TMEM200A: variants seen among roughly 807,000 people sequenced by gnomAD.
The protein encoded by TMEM200A is two transmembrane C.
A neutral mutation model predicts 24.3 loss-of-function variants in TMEM200A; 12 were observed. The ratio of observed to expected loss-of-function variants is 0.49; its 90% CI spans 0.32 to 0.80. The LOEUF is 0.80. Ranked by LOEUF, TMEM200A falls within the 30% of genes least tolerant of loss-of-function variation. The pLI is 0.04. For missense variants in TMEM200A, 545 were observed against 614.4 expected, an observed-to-expected ratio of 0.89 and a Z score of 1.19; for synonymous variants, 224 against 224.4, an observed-to-expected ratio of 1.00 and a Z score of 0.02.
chr6:130,416,293 T>C (rs1275570393), intron 2 of TMEM200A, among the ~76,000 whole-genome samples: 1 of 152,024 alleles, frequency 6.6e-6, no homozygotes, highest in Non-Finnish European at 1.5e-5. Context: ...ATTAAATTTT[T>C]AGTTTTGATT....
chr6:130,424,552 T>C (rs2115189664), intron 2 of TMEM200A, among the ~76,000 whole-genome samples: 1 of 152,312 alleles, frequency 6.6e-6, no homozygotes, highest in Non-Finnish European at 1.5e-5. Context: ...TTAATCATTA[T>C]TAAAAAGTCA....
In TMEM200A at chr6:130,440,982, G is replaced by C; in HGVS notation, c.560G>C (p.Gly187Ala). Residue 187 changes from glycine (G) to alanine (A), a missense_variant, in exon 3 of 3, where the codon GGT becomes GCT. By Grantham distance (60) the Gly-to-Ala change is moderately conservative. Coordinates refer to ENST00000296978, the MANE Select transcript of TMEM200A (RefSeq NM_001258277.2). ...EQRQMNGMYT[G>A]LMGETEVKQN... ...AGGCAAATGAACGGCATGTACACTG[G>C]TTTGATGGGAGAAACAGAAGTAAAA... The C allele has an allele frequency of 6.2e-7, 1 of 1,614,070 alleles. No individual in the cohort carries two copies. The highest frequency in any genetic ancestry group is 8.5e-7 in the Non-Finnish European group (1 of 1,180,000).
intron 2 of TMEM200A, among the ~76,000 whole-genome samples, chr6:130,432,699 T>C (rs981028653): frequency 5.3e-5 from 8 of 152,352 alleles, no homozygotes; most frequent in African/African-American, 1.9e-4. Flanking sequence ...AAGTAAGCAT[T>C]ATATACATAA....
intron 2 of TMEM200A, among the ~76,000 whole-genome samples, chr6:130,416,339 G>C (rs76770219): frequency 0.026 from 3,628 of 139,960 alleles, 147 homozygotes; most frequent in African/African-American, 0.084. Flanking sequence ...CTCTCTCTCT[G>C]TGTGTGTGTG....
chr6:130,436,002 G>A (rs1436436168), intron 2 of TMEM200A, among the ~76,000 whole-genome samples: 1 of 152,208 alleles, frequency 6.6e-6, no homozygotes, highest in East Asian at 1.9e-4. Flanking sequence ...GAAAATGGGA[G>A]TTGATTGGTC....
chr6:130,402,089 T>C (rs772474317), intron 2 of TMEM200A, among the ~76,000 whole-genome samples: 3 of 151,516 alleles, frequency 2.0e-5, no homozygotes, highest in African/African-American at 7.3e-5. Flanking sequence ...AAAAAAACCT[T>C]AAGGCTTTTG....
chr6:130,432,978 T>C (rs962875134), intron 2 of TMEM200A, among the ~76,000 whole-genome samples: 6 of 151,988 alleles, frequency 3.9e-5, no homozygotes, highest in Non-Finnish European at 8.8e-5. Flanking sequence ...CACCATATAC[T>C]GTGTATCAAA....
At chr6:130,416,075 T>C (rs1027176303) in intron 2 of TMEM200A, among the ~76,000 whole-genome samples, 5 of 152,186 alleles carry the variant, frequency 3.3e-5, no homozygotes, top group Admixed American at 2.0e-4. Context: ...GTTTTCTTAA[T>C]AGTATATTGA....
At position 130,366,772 on chromosome 6, in the gene TMEM200A, C is replaced by G. The variant is rs1341210283; in HGVS notation, c.-81+248C>G. 1.3e-5 allele frequency among the ~76,000 whole-genome samples: 2 copies of G among 152,180 alleles called. No homozygotes were observed. The highest frequency in any genetic ancestry group is 4.8e-5 in the African/African-American group (2 of 41,456). Reference sequence around the variant, plus strand: ...CCTCCAAGAACCCGGAGTACTGGAGCGCCTGGCTGGGTTTCTCCAAGCAAC... The same window carrying G: ...CCTCCAAGAACCCGGAGTACTGGAGGGCCTGGCTGGGTTTCTCCAAGCAAC... On this transcript the variant is annotated intron_variant, in intron 1 of 2. Transcript: ENST00000296978. The surrounding 1 kb of genome is among the most constrained non-coding windows in gnomAD (Gnocchi z 4.4).
chr6:130,436,078 G>A (rs1449215432), intron 2 of TMEM200A, among the ~76,000 whole-genome samples: 4 of 152,112 alleles, frequency 2.6e-5, no homozygotes, highest in Non-Finnish European at 4.4e-5. Flanking sequence ...ACAGGAATCA[G>A]AATAAGAAAA....
At chr6:130,391,202 T>C (rs1247861016) in intron 2 of TMEM200A, among the ~76,000 whole-genome samples, 1 of 152,196 alleles carries the variant, frequency 6.6e-6, no homozygotes, top group Non-Finnish European at 1.5e-5. Context: ...GCAATAAATG[T>C]GGAAAGAGAA....
intron 2 of TMEM200A, among the ~76,000 whole-genome samples, chr6:130,392,556 A>G (rs560987422): frequency 6.6e-6 from 1 of 152,082 alleles, no homozygotes; most frequent in East Asian, 1.9e-4. Context: ...CTATCTGTCC[A>G]TTTTCTTGAT....
At chr6:130,392,763 G>C (rs532673158) in intron 2 of TMEM200A, among the ~76,000 whole-genome samples, 1 of 152,242 alleles carries the variant, frequency 6.6e-6, no homozygotes, top group East Asian at 1.9e-4. Flanking sequence ...CCTTCCCTGA[G>C]ATCACTGCTA....
At position 130,440,041 on chromosome 6, in the gene TMEM200A, T is replaced by A. The variant is rs185852413; in HGVS notation, c.-16-366T>A. 8.8e-3 allele frequency among the ~76,000 whole-genome samples: 1,311 copies of A among 149,648 alleles called. 6 individuals are homozygous for A. The highest frequency in any genetic ancestry group is 0.024 in the Middle Eastern group (7 of 292). On this transcript the variant is annotated intron_variant, in intron 2 of 2. Transcript: ENST00000296978. ...GTGTGTGTGTATGTGTGTGTGTGTG[T>A]GAGAGAGAGAGAGAGAAGAGAAAGA...
chr6:130,436,926 A>T (rs1780036149), intron 2 of TMEM200A, among the ~76,000 whole-genome samples: 1 of 152,110 alleles, frequency 6.6e-6, no homozygotes, highest in South Asian at 2.1e-4. Context: ...CTCTGGAGTT[A>T]CAGGTGTGAG....
intron 2 of TMEM200A, among the ~76,000 whole-genome samples, chr6:130,432,445 T>G (rs1345402444): frequency 2.6e-5 from 4 of 152,262 alleles, no homozygotes; most frequent in Admixed American, 2.6e-4. Context: ...TAAATTCAGC[T>G]GTTCTTTTTA....
intron 1 of TMEM200A, among the ~76,000 whole-genome samples, chr6:130,369,245 C>A (rs1778256942): frequency 6.6e-6 from 1 of 152,052 alleles, no homozygotes; most frequent in South Asian, 2.1e-4. Flanking sequence ...TTGTAACAAC[C>A]CTCGGAAGTA....
Position 130,441,106 on chromosome 6 carries a change from G to A in TMEM200A, c.684G>A (p.Glu228=). The A allele has an allele frequency of 1.2e-6, 2 of 1,614,052 alleles. No individual in the cohort carries two copies. The highest frequency in any genetic ancestry group is 2.2e-5 in the East Asian group (1 of 44,802). Reference sequence around the variant, plus strand: ...TTCGAATGGACAGCTCCGTGGAGGAGGATGAACTTATGTTAAATGAAGGTA... The same window carrying A: ...TTCGAATGGACAGCTCCGTGGAGGAAGATGAACTTATGTTAAATGAAGGTA... ...SSFRMDSSVE[E]DELMLNEGKS... The change falls in exon 3 of 3, where the codon GAG becomes GAA. Residue 228 remains glutamate, a synonymous_variant. Coordinates refer to ENST00000296978, the MANE Select transcript of TMEM200A (RefSeq NM_001258277.2).
At chr6:130,390,781 G>T (rs1288797571) in intron 2 of TMEM200A, among the ~76,000 whole-genome samples, 1 of 152,186 alleles carries the variant, frequency 6.6e-6, no homozygotes, top group Non-Finnish European at 1.5e-5. Context: ...CAGCTTCCAT[G>T]TTGGTGAGGC....
Sources: allele counts gnomAD v4.1 joint callset (sites outside exome capture counted in the v4.1 genomes callset), GRCh38; gene constraint gnomAD v4.1.1; non-coding constraint Gnocchi (gnomAD v3.1); transcripts MANE v1.5; gene names NCBI Gene and HGNC (gene_info 2026-07-23, HGNC 2026-07-21).